The following TICRR variants were observed in gnomAD, a reference collection of about 807,000 sequenced individuals.
TICRR encodes TOPBP1 interacting checkpoint and replication regulator, also known as treslin.
In TICRR, 132 loss-of-function variants were observed where a neutral mutation model predicts 178.1. That is an observed-to-expected ratio of 0.74 (90% CI 0.64 to 0.86). The LOEUF (loss-of-function observed/expected upper bound fraction) is 0.86, where lower values mean the gene tolerates loss of function less well. TICRR is among the 40% of genes least tolerant of loss of function. The probability of loss-of-function intolerance (pLI) is 0.00; values close to 1 mark genes in which losing one functional copy is unlikely to be tolerated. For synonymous variants in TICRR, 991 were observed against 900.7 expected (o/e 1.10, Z -1.79); for missense variants, 2,587 against 2,334.3 (o/e 1.11, Z -2.23).
chr15:89,624,485 GA>G lies in TICRR; in HGVS notation c.4177del (p.Arg1393GlyfsTer35). 1 of 1,614,128 alleles carries G rather than the reference GA, an allele frequency of 6.2e-7. No homozygotes were observed. The highest frequency in any genetic ancestry group is 8.5e-7 in the Non-Finnish European group (1 of 1,180,038). ...CGGTGTAGAAAGACCTCTGATCCCA[GA>G]AGGAGCATCGTGGAGTGTCAGCCTG... ...GKRCRKTSDP[R>X]RSIVECQPDA... On this transcript the variant is annotated frameshift_variant, in exon 20 of 22. Coordinates refer to ENST00000268138, the MANE Select transcript of TICRR (RefSeq NM_152259.4). LOFTEE classifies it high-confidence loss of function.
chr15:89,622,464 T>C (rs1037612664), intron 19 of TICRR, among the ~76,000 whole-genome samples: 3 of 152,218 alleles, frequency 2.0e-5, no homozygotes, highest in African/African-American at 7.2e-5. Context: ...TCACTTTGCT[T>C]AAAGCTCTAT....
In TICRR at chr15:89,623,823, A is replaced by G; in HGVS notation, c.3513A>G (p.Ser1171=). 5 of 1,613,966 alleles carry G rather than the reference A, an allele frequency of 3.1e-6. No individual in the cohort carries two copies. The highest frequency in any genetic ancestry group is 4.2e-6 in the Non-Finnish European group (5 of 1,180,016). The part of the protein sequence containing the change: ...SSPGHDSPLD[S]KITPQKRHTQ... Reference sequence around the variant, plus strand: ...CCGGCCATGACTCACCATTGGATTCAAAAATCACTCCTCAAAAACGACATA... The same window carrying G: ...CCGGCCATGACTCACCATTGGATTCGAAAATCACTCCTCAAAAACGACATA... The change falls in exon 20 of 22, where the codon TCA becomes TCG. Residue 1171 remains serine, a synonymous_variant. Coordinates refer to ENST00000268138, the MANE Select transcript of TICRR (RefSeq NM_152259.4).
intron 1 of TICRR, among the ~76,000 whole-genome samples, chr15:89,578,026 CTTAG>C (rs747470570): frequency 1.3e-5 from 2 of 152,186 alleles, no homozygotes; most frequent in East Asian, 1.9e-4. Flanking sequence ...TGGAAATGAA[CTTAG>C]TTTGTTTCAG....
At chr15:89,621,622 G>T in intron 19 of TICRR, 72 bp downstream of exon 19, 1 of 1,320,784 alleles carries the variant, frequency 7.6e-7, no homozygotes, top group Admixed American at 2.4e-5. Context: ...GGAACTCAGA[G>T]TCCATTAGGG....
intron 13 of TICRR, among the ~76,000 whole-genome samples, chr15:89,606,252 G>A (rs1026768991): frequency 6.6e-6 from 1 of 152,142 alleles, no homozygotes; most frequent in Non-Finnish European, 1.5e-5. Context: ...CTCTATGTTA[G>A]TACAAGTTGA....
Position 89,575,553 on chromosome 15 carries a change from C to T in TICRR, c.-34C>T, listed in dbSNP as rs1962593876. ...GGACTAAGGGACGGTGGCGCGGGCCCGGACCGGGGCCCCGGGGCGGCGGCA... is the reference window on the plus strand; with the variant it reads ...GGACTAAGGGACGGTGGCGCGGGCCTGGACCGGGGCCCCGGGGCGGCGGCA... On this transcript the variant is annotated 5_prime_UTR_variant, in exon 1 of 22. Transcript: ENST00000268138. 6.9e-7 allele frequency: 1 copy of T among 1,447,822 alleles called. No individual in the cohort carries two copies. The allele number at this position is 1,447,822 out of a possible 1,614,324, so 89.7% of individuals were successfully genotyped here.
chr15:89,609,827 G>A (rs1341554183), intron 15 of TICRR, among the ~76,000 whole-genome samples: 1 of 151,598 alleles, frequency 6.6e-6, no homozygotes, highest in Non-Finnish European at 1.5e-5. Flanking sequence ...ATTGGCTTTG[G>A]TTTTTGTTTG....
rs1362371143 is a variant in TICRR, at chr15:89,601,924, C to G, written c.2515C>G (p.Pro839Ala). ...SSARRSVSGS[P>A]ESDELQELRT... ...TGCTCGTAGATCAGTGTCAGGCAGC[C>G]CTGAATCTGATGAACTGCAGGAACT... Residue 839 changes from proline (P) to alanine (A), a missense_variant, in exon 12 of 22, where the codon CCT becomes GCT. Transcript: ENST00000268138. 1 of 1,614,016 alleles carries G rather than the reference C, an allele frequency of 6.2e-7. No individual in the cohort carries two copies. Among genetic ancestry groups the G allele is most frequent in the East Asian group, 2.2e-5 (1 of 44,878 alleles).
chr15:89,597,499 TGG>T (rs201627643), intron 7 of TICRR, among the ~76,000 whole-genome samples: 4,073 of 147,990 alleles, frequency 0.028, 180 homozygotes, highest in African/African-American at 0.096. Flanking sequence ...CACTCCAGCC[TGG>T]GTGACGGAGC....
At chr15:89,607,456 G>A (rs548277353) in intron 14 of TICRR, among the ~76,000 whole-genome samples, 10 of 152,176 alleles carry the variant, frequency 6.6e-5, no homozygotes, top group South Asian at 2.1e-4. Context: ...AGTGATGGGC[G>A]TATGTTTAAT....
At chr15:89,609,100 C>T (rs2350682) in intron 15 of TICRR, 151 bp downstream of exon 15, 142 of 84,808 alleles carry the variant, frequency 1.7e-3, no homozygotes, top group South Asian at 3.5e-3. Context: ...TTTTGTTAAT[C>T]TTTTTTTTTT....
In TICRR at chr15:89,625,098, G is replaced by A. The variant is rs1963495151; in HGVS notation, c.4788G>A (p.Leu1596=). The change falls in exon 20 of 22, where the codon CTG becomes CTA. Residue 1596 remains leucine (L), a synonymous_variant. Transcript: ENST00000268138. ...AEPLSKEESS[L]GEESFLPALS... is the part of the protein sequence containing the mutation. ...CCCTCAGCAAGGAGGAGAGCTCTCT[G>A]GGAGAAGAGAGCTTCCTCCCTGCTC... 3 of 1,613,790 alleles carry A rather than the reference G, an allele frequency of 1.9e-6. No individual in the cohort carries two copies. The East Asian group carries it at 6.7e-5, about 36-fold the overall frequency.
In TICRR at chr15:89,602,855, T is replaced by C; in HGVS notation, c.2627T>C (p.Ile876Thr). The part of the protein sequence containing the change: ...IAEVSQNLRQ[I>T]EIPKVSKRAT... ...GAGGTTTCACAGAATCTTCGACAAA[T>C]TGAAATTCCTAAAGTGTCAAAGAGA... The change falls in exon 13 of 22, where the codon ATT becomes ACT. Residue 876 changes from isoleucine (I) to threonine (T), a missense_variant. Coordinates refer to ENST00000268138, the MANE Select transcript of TICRR (RefSeq NM_152259.4). The C allele has an allele frequency of 6.5e-7, 1 of 1,532,354 alleles. No individual in the cohort carries two copies. Among genetic ancestry groups the C allele is most frequent in the Non-Finnish European group, 8.8e-7 (1 of 1,140,886 alleles). 94.9% of individuals were successfully genotyped at this position (1,532,354 alleles called of 1,614,324 possible).
Position 89,601,318 on chromosome 15 carries a change from T to G in TICRR, c.2174T>G (p.Leu725Arg). 1 of 1,614,158 alleles carries G rather than the reference T, an allele frequency of 6.2e-7. No homozygotes were observed. Among genetic ancestry groups the G allele is most frequent in the Non-Finnish European group, 8.5e-7 (1 of 1,180,016 alleles). Residue 725 changes from leucine to arginine, a missense_variant, in exon 10 of 22, where the codon CTT becomes CGT. Physicochemically the swap from Leu to Arg is moderately radical, Grantham distance 102. Transcript: ENST00000268138. The stretch of plus-strand genomic sequence containing the variant: ...TCAAGGTGCCAGCTTCAGGTATTTC[T>G]TCGTTTGGAGATGTGTCTGCAATGC... ...KVRECQLQVF[L>R]RLEMCLQCPS...
At chr15:89,603,692 A>T (rs1460003887) in intron 13 of TICRR, among the ~76,000 whole-genome samples, 1 of 152,210 alleles carries the variant, frequency 6.6e-6, no homozygotes, top group African/African-American at 2.4e-5. Context: ...TCTGCAGAAG[A>T]TATGTTCCAA....
intron 19 of TICRR, 28 bp downstream of exon 19, chr15:89,621,578 A>T (rs1272944467): frequency 6.3e-7 from 1 of 1,580,176 alleles, no homozygotes; most frequent in South Asian, 1.2e-5. Context: ...TGTTTGAAAT[A>T]ATATAATCTC....
At position 89,581,537 on chromosome 15, in the gene TICRR, G is replaced by A. The variant is rs534971183; in HGVS notation, c.655-1149G>A. Among the ~76,000 whole-genome samples, 23 of 152,330 alleles carry A rather than the reference G, an allele frequency of 1.5e-4. No individual in the cohort carries two copies. The South Asian group carries it at 4.6e-3, about 30-fold the overall frequency. ...GAAGCGTAATAACCATTCAGTTGGTGAAGAAAGAAGGGGAGGCCCAGGAAA... is the reference window on the plus strand; with the variant it reads ...GAAGCGTAATAACCATTCAGTTGGTAAAGAAAGAAGGGGAGGCCCAGGAAA... On this transcript the variant is annotated intron_variant, in intron 1 of 21. Transcript: ENST00000268138.
At position 89,601,486 on chromosome 15, in the gene TICRR, C is replaced by T. The variant is rs1469250313; in HGVS notation, c.2248-3C>T. On this transcript the variant is annotated splice_polypyrimidine_tract_variant and splice_region_variant and intron_variant, in intron 10 of 21. Coordinates refer to ENST00000268138, the MANE Select transcript of TICRR (RefSeq NM_152259.4). ...TATAGTAACGTTCTAAAATCTCCTT[C>T]AGGTGACAGATTTGCTGCGCATGGT... 6.2e-7 allele frequency: 1 copy of T among 1,614,142 alleles called. No homozygotes were observed.
chr15:89,599,431 A>T lies in TICRR; in HGVS notation c.2008A>T (p.Thr670Ser). The part of the protein sequence containing the change: ...LYACARNMIS[T>S]VKMFLKSKGT... ...TGCATGTGCTCGAAACATGATCTCA[A>T]CCGTTAAAATGTTCCTAAAATCAAA... is the stretch of plus-strand genomic sequence containing the variant. Residue 670 changes from threonine to serine, a missense_variant, in exon 8 of 22, where the codon ACC becomes TCC. Coordinates refer to ENST00000268138, the MANE Select transcript of TICRR (RefSeq NM_152259.4). The T allele has an allele frequency of 6.2e-7, 1 of 1,613,790 alleles. No homozygotes were observed. Among genetic ancestry groups the T allele is most frequent in the South Asian group, 1.1e-5 (1 of 90,994 alleles).
Sources: allele counts gnomAD v4.1 joint callset (sites outside exome capture counted in the v4.1 genomes callset), GRCh38; gene constraint gnomAD v4.1.1; transcripts MANE v1.5; gene names NCBI Gene and HGNC (gene_info 2026-07-23, HGNC 2026-07-21).